KIF3C: variants seen among roughly 807,000 people sequenced by gnomAD.
The protein encoded by KIF3C is kinesin-like protein KIF3C.
A neutral mutation model predicts 67.7 loss-of-function variants in KIF3C; 12 were observed. That is an observed-to-expected ratio of 0.18 (90% confidence interval 0.11 to 0.29). The LOEUF (loss-of-function observed/expected upper bound fraction) is 0.29. Ranked by LOEUF, KIF3C falls within the 10% of genes least tolerant of loss-of-function variation. KIF3C has a pLI of 1.00. For synonymous variants in KIF3C, 393 were observed against 426.2 expected (o/e 0.92, Z 0.96); for missense variants, 789 against 1,059.6 (o/e 0.74, Z 3.55).
chr2:25,947,363 C>T (rs550361887), intron 5 of KIF3C, among the ~76,000 whole-genome samples: 4 of 151,818 alleles, frequency 2.6e-5, no homozygotes, highest in Admixed American at 6.6e-5. Context: ...GGGCAGATCA[C>T]GAGGTCAGGA....
intron 4 of KIF3C, 36 bp from the exon 5 acceptor site, chr2:25,951,941 G>T: frequency 7.1e-7 from 1 of 1,402,386 alleles, no homozygotes; most frequent in Non-Finnish European, 1.0e-6. Context: ...GGGAAAATGG[G>T]TGAGCGAGAG....
At chr2:25,967,865 C>T (rs1447448629) in intron 1 of KIF3C, among the ~76,000 whole-genome samples, 1 of 152,100 alleles carries the variant, frequency 6.6e-6, no homozygotes, top group East Asian at 1.9e-4. Flanking sequence ...CAAAACAAAA[C>T]AACCAGCGAG....
Position 25,955,743 on chromosome 2 carries a change from C to T in KIF3C, c.1648-80G>A, listed in dbSNP as rs1438598954. 4 of 1,531,640 alleles carry T rather than the reference C, an allele frequency of 2.6e-6. No individual in the cohort carries two copies. In the East Asian group the frequency reaches 9.1e-5, roughly 35 times the overall value. 94.9% of individuals were successfully genotyped at this position (1,531,640 alleles called of 1,614,324 possible). A position where few individuals can be genotyped will look rare whatever the true frequency, so the allele number is the denominator to read the frequency against. ...CAGGAAAGCTCAGGGGACTGGCTCA[C>T]TCTGCCTGTCTCGGGACCTGGCTTC... On this transcript the variant is annotated intron_variant, in intron 2 of 7. Coordinates refer to ENST00000264712, the MANE Select transcript of KIF3C (RefSeq NM_002254.8). This position sits in a 1 kb window ranked among gnomAD's most constrained non-coding sequence, Gnocchi z 5.0.
chr2:25,933,733 A>T lies in KIF3C; in HGVS notation c.2007-3670T>A, dbSNP rs544979091. Among the ~76,000 whole-genome samples the T allele has an allele frequency of 2.0e-5, 3 of 152,150 alleles. No individual in the cohort carries two copies. In the East Asian group the frequency reaches 5.8e-4, roughly 29 times the overall value. On this transcript the variant is annotated intron_variant, in intron 5 of 7. Transcript: ENST00000264712. Reference sequence around the variant, plus strand: ...AGTTCAGATCCACTAGGATGACTATAATTTAAAGACAGACAGTAACACATG... The same window carrying T: ...AGTTCAGATCCACTAGGATGACTATTATTTAAAGACAGACAGTAACACATG...
chr2:25,961,904 T>C (rs1460393290), intron 1 of KIF3C, among the ~76,000 whole-genome samples: 2 of 145,646 alleles, frequency 1.4e-5, no homozygotes, highest in Non-Finnish European at 3.0e-5. Flanking sequence ...GCTGAAATCG[T>C]GCCACTGCAC....
chr2:25,978,442 G>A (rs767708364), intron 1 of KIF3C, among the ~76,000 whole-genome samples: 4 of 152,108 alleles, frequency 2.6e-5, no homozygotes, highest in South Asian at 2.1e-4. Context: ...ATATAAAGGG[G>A]CTAGGCTCTC....
At chr2:25,974,389 C>T (rs1488435762) in intron 1 of KIF3C, among the ~76,000 whole-genome samples, 2 of 151,840 alleles carry the variant, frequency 1.3e-5, no homozygotes, top group Non-Finnish European at 2.9e-5. Flanking sequence ...TTCCTAGAGA[C>T]AAGGTCTTGC....
Position 25,981,983 on chromosome 2 carries a change from G to T in KIF3C, c.-66C>A, listed in dbSNP as rs964980752. 17 of 1,340,396 alleles carry T rather than the reference G, an allele frequency of 1.3e-5. No homozygotes were observed. The African/African-American group carries it at 1.9e-4, about 15-fold the overall frequency. 83.0% of individuals were successfully genotyped at this position (1,340,396 alleles called of 1,614,324 possible). On this transcript the variant is annotated 5_prime_UTR_variant, in exon 1 of 8. Coordinates refer to ENST00000264712, the MANE Select transcript of KIF3C (RefSeq NM_002254.8). The surrounding 1 kb of genome is among the most constrained non-coding windows in gnomAD (Gnocchi z 8.2). ...CCTGGGCGGTCCTGCTATCCTGCTCGCTAGGTCGGGATCAGCGGGGCCGGC... is the reference window on the plus strand; with the variant it reads ...CCTGGGCGGTCCTGCTATCCTGCTCTCTAGGTCGGGATCAGCGGGGCCGGC...
chr2:25,971,901 CT>C (rs1173656634), intron 1 of KIF3C, among the ~76,000 whole-genome samples: 1 of 55,114 alleles, frequency 1.8e-5, no homozygotes, highest in African/African-American at 7.0e-5. Context: ...TTTTTTTTTA[CT>C]TTTTTGTAGA....
chr2:25,980,364 G>C lies in KIF3C; in HGVS notation c.1545+9C>G. The stretch of plus-strand genomic sequence containing the variant: ...CATCTCGAGTGCCCAGCTCCTCTGG[G>C]GCCCTTACCTTGTACTTGGCCGCAA... On this transcript the variant is annotated intron_variant, in intron 1 of 7. Coordinates refer to ENST00000264712, the MANE Select transcript of KIF3C (RefSeq NM_002254.8). This position sits in a 1 kb window ranked among gnomAD's most constrained non-coding sequence, Gnocchi z 7.6. 6.2e-7 allele frequency: 1 copy of C among 1,607,112 alleles called. No individual in the cohort carries two copies. The highest frequency in any genetic ancestry group is 8.5e-7 in the Non-Finnish European group (1 of 1,175,854).
rs1663773662 is a variant in KIF3C, at chr2:25,955,130, T to C, written c.1770+411A>G. ...GAGCGGCTATTCTCATCCCTTGACATGTCCTTGAGGGCCTTACACTCCCCA... is the reference window on the plus strand; with the variant it reads ...GAGCGGCTATTCTCATCCCTTGACACGTCCTTGAGGGCCTTACACTCCCCA... On this transcript the variant is annotated intron_variant, in intron 3 of 7. Transcript: ENST00000264712. This position sits in a 1 kb window ranked among gnomAD's most constrained non-coding sequence, Gnocchi z 5.0. 6.6e-6 allele frequency among the ~76,000 whole-genome samples: 1 copy of C among 152,148 alleles called. No homozygotes were observed. The highest frequency in any genetic ancestry group is 2.4e-5 in the African/African-American group (1 of 41,440).
At chr2:25,968,098 T>C (rs114104334) in intron 1 of KIF3C, among the ~76,000 whole-genome samples, 1,543 of 152,244 alleles carry the variant, frequency 0.01, 23 homozygotes, top group Non-Finnish European at 0.014. Context: ...ATTGTACATC[T>C]TGAGGAGTCA....
rs746047172 is a variant in KIF3C at position 25,981,408 on chromosome 2, G to A, written c.510C>T (p.Asn170=). The change falls in exon 1 of 8, where the codon AAC becomes AAT. Residue 170 remains asparagine (N), a synonymous_variant. Coordinates refer to ENST00000264712, the MANE Select transcript of KIF3C (RefSeq NM_002254.8). The surrounding 1 kb of genome is among the most constrained non-coding windows in gnomAD (Gnocchi z 8.2). ...EPGKRLELKE[N]PETGVYIKDL... Reference sequence around the variant, plus strand: ...CCTTGATGTAGACGCCAGTCTCGGGGTTCTCTTTCAGCTCTAGCCTCTTGC... The same window carrying A: ...CCTTGATGTAGACGCCAGTCTCGGGATTCTCTTTCAGCTCTAGCCTCTTGC... The A allele has an allele frequency of 1.2e-6, 2 of 1,614,248 alleles. No individual in the cohort carries two copies. The highest frequency in any genetic ancestry group is 1.7e-6 in the Non-Finnish European group (2 of 1,180,042).
chr2:25,980,986 C>T lies in KIF3C; in HGVS notation c.932G>A (p.Arg311Lys), dbSNP rs750449247. The T allele has an allele frequency of 1.2e-6, 2 of 1,614,240 alleles. No individual in the cohort carries two copies. Among genetic ancestry groups the T allele is most frequent in the South Asian group, 1.1e-5 (1 of 91,086 alleles). The change falls in exon 1 of 8, where the codon AGG becomes AAG. Residue 311 changes from arginine (R) to lysine (K), a missense_variant. Arg to Lys is a conservative substitution (Grantham distance 26). Around this residue, in one of 2 missense-constraint regions of KIF3C, gnomAD observed 648 missense variants for 807.8 expected, o/e 0.80. Coordinates refer to ENST00000264712, the MANE Select transcript of KIF3C (RefSeq NM_002254.8). This position sits in a 1 kb window ranked among gnomAD's most constrained non-coding sequence, Gnocchi z 7.6. The stretch of plus-strand genomic sequence containing the variant: ...GTCCCGGTAGGGAATGTGGGTGCTC[C>T]TGTTGCCCGCCAGGGCAGCAATCAC... ...GNVIAALAGN[R>K]STHIPYRDSK...
At chr2:25,944,992 G>C (rs370636428) in intron 5 of KIF3C, among the ~76,000 whole-genome samples, 2 of 151,976 alleles carry the variant, frequency 1.3e-5, no homozygotes, top group African/African-American at 2.4e-5. Context: ...TTAGCCAGGC[G>C]TGGTGGCGGG....
In KIF3C at chr2:25,930,041, G is replaced by T. The variant is rs764273433; in HGVS notation, c.2029C>A (p.Arg677=). The change falls in exon 6 of 8, where the codon CGG becomes AGG. Residue 677 remains arginine, a synonymous_variant. Transcript: ENST00000264712. ...TTGTAGCCCACTGCAGATGTTGGCC[G>T]CTTCTTCATCTGGCTGCTACTGCTG... The part of the protein sequence containing the change: ...AGVSSSQMKK[R]PTSAVGYKRP... 5.0e-6 allele frequency: 8 copies of T among 1,613,794 alleles called. No homozygotes were observed. Among genetic ancestry groups the T allele is most frequent in the Non-Finnish European group, 6.8e-6 (8 of 1,179,820 alleles).
chr2:25,938,752 T>C (rs1248544203), intron 5 of KIF3C, among the ~76,000 whole-genome samples: 1 of 152,134 alleles, frequency 6.6e-6, no homozygotes, highest in East Asian at 1.9e-4. Flanking sequence ...AGCTGAGGCC[T>C]GGGTCTGCGT....
At chr2:25,929,104 G>T (rs1201792528) in intron 7 of KIF3C, 33 bp from the exon 8 acceptor site, 3 of 1,584,490 alleles carry the variant, frequency 1.9e-6, no homozygotes, top group African/African-American at 2.7e-5. Context: ...GAAAGGGGAG[G>T]TTAGGGAAAT....
Position 25,980,509 on chromosome 2 carries a change from T to A in KIF3C, c.1409A>T (p.Glu470Val), listed in dbSNP as rs754569210. The change falls in exon 1 of 8, where the codon GAG (glutamate) becomes GTG (valine). Residue 470 changes from glutamate to valine, a missense_variant. This residue lies in a region of KIF3C where 648 missense variants were observed against 807.8 expected (regional missense o/e 0.80). Coordinates refer to ENST00000264712, the MANE Select transcript of KIF3C (RefSeq NM_002254.8). This position sits in a 1 kb window ranked among gnomAD's most constrained non-coding sequence, Gnocchi z 7.6. The stretch of plus-strand genomic sequence containing the variant: ...GTCATCCTGGATGGCTGCCTTCTCC[T>A]CCTCCAGCCGCTCCTTCTGTTCCTG... ...YLQEQKERLEEEKAAIQDDRS... is the reference protein window; with the variant it reads ...YLQEQKERLEVEKAAIQDDRS... 1 of 1,614,110 alleles carries A rather than the reference T, an allele frequency of 6.2e-7. No homozygotes were observed. Among genetic ancestry groups the A allele is most frequent in the Non-Finnish European group, 8.5e-7 (1 of 1,180,012 alleles).
Sources: gnomAD v4.1 joint callset for allele counts (sites outside exome capture counted in the v4.1 genomes callset) on GRCh38, gnomAD v4.1.1 for gene constraint, gnomAD v4.1.1 regional missense constraint, Gnocchi (gnomAD v3.1) non-coding constraint, MANE v1.5 for transcripts, NCBI Gene and HGNC (gene_info 2026-07-23, HGNC 2026-07-21) for gene names.